GDPD5: variants seen among roughly 807,000 people sequenced by gnomAD.
GDPD5 encodes the protein glycerophosphodiester phosphodiesterase 2.
Under a neutral mutation model 75.1 loss-of-function variants are expected in GDPD5, and 48 were observed. The ratio of observed to expected loss-of-function variants is 0.64; its 90% CI spans 0.51 to 0.81. The LOEUF is 0.81. GDPD5 is among the 40% of genes least tolerant of loss of function. GDPD5 has a pLI of 0.00. For synonymous variants in GDPD5, 336 were observed against 339.0 expected (o/e 0.99, Z 0.10); for missense variants, 706 against 822.6 (o/e 0.86, Z 1.73).
chr11:75,449,688 A>G, intron 7 of GDPD5, 78 bp from the exon 8 acceptor site: 1 of 1,455,168 alleles, frequency 6.9e-7, no homozygotes, highest in Non-Finnish European at 9.4e-7. Flanking sequence ...TCCTACTTCT[A>G]CCTATGAGGC....
chr11:75,485,943 C>CTTCTCCT (rs1950014125), intron 2 of GDPD5, among the ~76,000 whole-genome samples: 1 of 152,206 alleles, frequency 6.6e-6, no homozygotes, highest in Non-Finnish European at 1.5e-5. Context: ...AGACACCCCC[C>CTTCTCCT]TTCTCCTTGG....
intron 1 of GDPD5, among the ~76,000 whole-genome samples, chr11:75,501,619 G>C (rs1950306705): frequency 6.6e-6 from 1 of 152,212 alleles, no homozygotes. Flanking sequence ...GGGAGACGTG[G>C]CAACAGCCAC....
intron 1 of GDPD5, among the ~76,000 whole-genome samples, chr11:75,507,636 C>A (rs1476871149): frequency 6.6e-6 from 1 of 152,238 alleles, no homozygotes; most frequent in Non-Finnish European, 1.5e-5. Context: ...ACGAGGCCAT[C>A]TGAGTGACAA....
chr11:75,462,751 G>T (rs780629523), intron 4 of GDPD5, 35 bp downstream of exon 4: 1 of 1,537,326 alleles, frequency 6.5e-7, no homozygotes, highest in South Asian at 1.1e-5. Flanking sequence ...CCCAGCTCTG[G>T]GCCCCTTCCT....
chr11:75,514,600 C>T (rs1950599134), intron 1 of GDPD5, among the ~76,000 whole-genome samples: 2 of 152,336 alleles, frequency 1.3e-5, no homozygotes, highest in South Asian at 4.1e-4. Flanking sequence ...TGGCCATTGA[C>T]AGTTGAACCC....
Position 75,449,100 on chromosome 11 carries a change from A to G in GDPD5, c.591T>C (p.Cys197=), listed in dbSNP as rs377229709. 7 of 1,597,812 alleles carry G rather than the reference A, an allele frequency of 4.4e-6. No individual in the cohort carries two copies. The African/African-American group carries it at 8.1e-5, about 18-fold the overall frequency. Residue 197 remains cysteine, a synonymous_variant, in exon 9 of 17, where the codon TGT becomes TGC. Transcript: ENST00000336898. ...ERTSSQVTIL[C]TFFTVVFALY... ...GGGCAAACACCACGGTGAAGAAGGTACAGAGAATGGTCACCTGGGAGGCTG... is the reference window on the plus strand; with the variant it reads ...GGGCAAACACCACGGTGAAGAAGGTGCAGAGAATGGTCACCTGGGAGGCTG...
intron 4 of GDPD5, 88 bp from the exon 5 acceptor site, chr11:75,457,874 C>A: frequency 2.0e-6 from 2 of 986,204 alleles, no homozygotes; most frequent in South Asian, 1.4e-5. Context: ...TCCACACAGA[C>A]GACAGGCTGG....
At chr11:75,449,427 A>C in intron 8 of GDPD5, 90 bp downstream of exon 8, 1 of 1,304,370 alleles carries the variant, frequency 7.7e-7, no homozygotes, top group Non-Finnish European at 1.1e-6. Context: ...TCCCCAGGCC[A>C]CCCCCAGGGA....
At chr11:75,480,327 CAAA>C (rs142189915) in intron 2 of GDPD5, among the ~76,000 whole-genome samples, 5 of 120,466 alleles carry the variant, frequency 4.2e-5, no homozygotes, top group Admixed American at 8.5e-5. Context: ...ATCTCCATCT[CAAA>C]AAAAAAAAAA....
At chr11:75,513,693 C>T (rs1303351999) in intron 1 of GDPD5, among the ~76,000 whole-genome samples, 3 of 152,242 alleles carry the variant, frequency 2.0e-5, no homozygotes, top group African/African-American at 7.2e-5. Flanking sequence ...CGCTCTCAAC[C>T]TCTGGCATTC....
chr11:75,449,810 G>C (rs370698266), intron 7 of GDPD5, 75 bp downstream of exon 7: 1 of 1,500,020 alleles, frequency 6.7e-7, no homozygotes, highest in African/African-American at 1.4e-5. Flanking sequence ...GCCCTTCTTT[G>C]GGCCTTGGTC....
chr11:75,470,882 G>A (rs906888184), intron 3 of GDPD5, among the ~76,000 whole-genome samples: 1 of 152,162 alleles, frequency 6.6e-6, no homozygotes, highest in Non-Finnish European at 1.5e-5. Context: ...TGTGTTTCCA[G>A]GTTTTCCAAC....
Position 75,449,497 on chromosome 11 carries a change from C to G in GDPD5, c.568+20G>C, listed in dbSNP as rs943566488. ...CACCTGCAGGGATTGGAGGGGCAGG[C>G]CCTTCACAGTTCTACTCACAGGTCC... On this transcript the variant is annotated intron_variant, in intron 8 of 16. Transcript: ENST00000336898. 2.6e-6 allele frequency: 4 copies of G among 1,547,170 alleles called. No homozygotes were observed. The highest frequency in any genetic ancestry group is 2.4e-5 in the East Asian group (1 of 41,698).
rs527347182 is a variant in GDPD5 at position 75,520,669 on chromosome 11, C to T, written c.-145+4541G>A. Among the ~76,000 whole-genome samples, 4 of 152,308 alleles carry T rather than the reference C, an allele frequency of 2.6e-5. No homozygotes were observed. In the East Asian group the frequency reaches 7.7e-4, roughly 29 times the overall value. ...CTTATAGCAGGCAGCATCTTTGGACCTGGTTGAACTCCTTACTGCTCTTTC... is the reference window on the plus strand; with the variant it reads ...CTTATAGCAGGCAGCATCTTTGGACTTGGTTGAACTCCTTACTGCTCTTTC... On this transcript the variant is annotated intron_variant, in intron 1 of 16. Coordinates refer to ENST00000336898, the MANE Select transcript of GDPD5 (RefSeq NM_030792.8).
At chr11:75,448,014 C>A (rs1242309529) in intron 9 of GDPD5, among the ~76,000 whole-genome samples, 4 of 152,254 alleles carry the variant, frequency 2.6e-5, no homozygotes, top group Admixed American at 2.6e-4. Flanking sequence ...ATGCAGGGGG[C>A]CAGACTTCCA....
chr11:75,462,987 C>A, intron 3 of GDPD5, 98 bp from the exon 4 acceptor site: 1 of 929,878 alleles, frequency 1.1e-6, no homozygotes, highest in South Asian at 1.5e-5. Context: ...ACTTTGTAGC[C>A]AAACCTGCCA....
rs1203222068 is a variant in GDPD5 at position 75,525,689 on chromosome 11, C to T, written c.-624G>A. ...CCCCGAACCGCGGGGCTGGGACGGGCAGGGCAGGGCAGGCGCCGGCGGGGA... is the reference window on the plus strand; with the variant it reads ...CCCCGAACCGCGGGGCTGGGACGGGTAGGGCAGGGCAGGCGCCGGCGGGGA... On this transcript the variant is annotated 5_prime_UTR_variant, in exon 1 of 17. Transcript: ENST00000336898. The T allele has an allele frequency of 6.6e-6, 1 of 151,234 alleles. No homozygotes were observed. Among genetic ancestry groups the T allele is most frequent in the Non-Finnish European group, 1.5e-5 (1 of 67,784 alleles). The allele number at this position is 151,234 out of a possible 1,614,324, so 9.4% of individuals were successfully genotyped here.
intron 7 of GDPD5, 113 bp downstream of exon 7, chr11:75,449,772 C>T (rs1949089893): frequency 1.6e-6 from 2 of 1,290,090 alleles, no homozygotes; most frequent in African/African-American, 1.5e-5. Context: ...CTAGTTCTGA[C>T]CTGCTCTGTG....
At chr11:75,452,549 A>C (rs1435656911) in intron 6 of GDPD5, among the ~76,000 whole-genome samples, 1 of 152,202 alleles carries the variant, frequency 6.6e-6, no homozygotes, top group African/African-American at 2.4e-5. Flanking sequence ...TGTGGTCAGC[A>C]CCCAATAAAG....
Sources: allele counts gnomAD v4.1 joint callset (sites outside exome capture counted in the v4.1 genomes callset), GRCh38; gene constraint gnomAD v4.1.1; transcripts MANE v1.5; gene names NCBI Gene and HGNC (gene_info 2026-07-23, HGNC 2026-07-21).